Variants in STIM1 observed in about 807,000 individuals in gnomAD.
The protein encoded by STIM1 is stromal interaction molecule 1.
Under a neutral mutation model 74.7 loss-of-function variants are expected in STIM1, and 25 were observed. The observed-to-expected ratio is 0.33, with a 90% confidence interval of 0.24 to 0.47. STIM1 has a LOEUF of 0.47. Ranked by LOEUF, STIM1 falls within the 20% of genes least tolerant of loss-of-function variation. The pLI, the probability that STIM1 is intolerant of heterozygous loss-of-function variation, is 1.00. For synonymous variants in STIM1, 328 were observed against 348.8 expected, an observed-to-expected ratio of 0.94 and a Z score of 0.66; for missense variants, 728 against 920.8, an observed-to-expected ratio of 0.79 and a Z score of 2.71.
chr11:3,854,662 G>C (rs185562367), upstream of STIM1: 68 of 152,394 alleles, frequency 4.5e-4, no homozygotes, highest in East Asian at 0.011. Context: ...GAGGTAGCTG[G>C]GAGAATGAGA....
rs2959067 is a variant in STIM1 at position 4,057,662 on chromosome 11, T to C, written c.498-1619T>C. 5.9e-5 allele frequency among the ~76,000 whole-genome samples: 9 copies of C among 151,954 alleles called. No homozygotes were observed. The East Asian group carries it at 1.6e-3, about 26-fold the overall frequency. On this transcript the variant is annotated intron_variant, in intron 4 of 12. Coordinates refer to ENST00000526596, the MANE Select transcript of STIM1 (RefSeq NM_001382567.1). ...AAGGTGGGTGGATCACGAGGTCAGG[T>C]GATCGAGACTATCCTGGCTAACATG...
intron 2 of STIM1, among the ~76,000 whole-genome samples, chr11:3,974,594 A>G (rs1376037712): frequency 6.6e-6 from 1 of 151,830 alleles, no homozygotes; most frequent in Non-Finnish European, 1.5e-5. Context: ...GAAAAGAAAA[A>G]TATATAATCA....
intron 1 of STIM1, among the ~76,000 whole-genome samples, chr11:3,899,491 A>G (rs997410476): frequency 6.6e-6 from 1 of 151,984 alleles, no homozygotes; most frequent in African/African-American, 2.4e-5. Context: ...CTCTTTTCCT[A>G]ATCGAATACC....
intron 1 of STIM1, among the ~76,000 whole-genome samples, chr11:3,958,964 A>G (rs888220928): frequency 1.3e-5 from 2 of 151,688 alleles, no homozygotes; most frequent in African/African-American, 4.8e-5. Context: ...AAAAAAAAAA[A>G]AAGACTTTAC....
At chr11:3,887,686 T>C (rs905623006) in intron 1 of STIM1, among the ~76,000 whole-genome samples, 1 of 152,082 alleles carries the variant, frequency 6.6e-6, no homozygotes, top group Non-Finnish European at 1.5e-5. Context: ...AGGGCATCTG[T>C]GGCCAGGCGC....
chr11:4,067,412 G>GCCA (rs1329187887), intron 5 of STIM1, among the ~76,000 whole-genome samples: 9 of 152,164 alleles, frequency 5.9e-5, no homozygotes, highest in Non-Finnish European at 1.2e-4. Context: ...ATATTGTGTG[G>GCCA]GGGAAAACTC....
intron 1 of STIM1, among the ~76,000 whole-genome samples, chr11:3,916,789 T>C (rs973223664): frequency 1.8e-4 from 27 of 152,222 alleles, no homozygotes; most frequent in African/African-American, 6.3e-4. Flanking sequence ...GGTTTCGCCA[T>C]GTTGGCCAGG....
chr11:3,947,731 A>C (rs1274995345), intron 1 of STIM1: 7 of 152,152 alleles, frequency 4.6e-5, no homozygotes, highest in Admixed American at 3.9e-4. Context: ...CCAGGTAGGC[A>C]CCTGTATGCA....
At chr11:3,932,666 G>GAAAAAAAAAAAAAAAAAAA in intron 1 of STIM1, among the ~76,000 whole-genome samples, 1 of 86,970 alleles carries the variant, frequency 1.1e-5, no homozygotes, top group Non-Finnish European at 2.3e-5. Flanking sequence ...TGTCTCAAAG[G>GAAAAAAAAAAAAAAAAAAA]AAAAAAAAAA....
At chr11:3,900,677 A>G (rs1285319658) in intron 1 of STIM1, among the ~76,000 whole-genome samples, 1 of 152,148 alleles carries the variant, frequency 6.6e-6, no homozygotes, top group Admixed American at 6.5e-5. Context: ...CCTTCTGGGC[A>G]CAAATGATCC....
At chr11:3,908,496 C>T (rs778862823) in intron 1 of STIM1, among the ~76,000 whole-genome samples, 14 of 151,736 alleles carry the variant, frequency 9.2e-5, no homozygotes, top group Non-Finnish European at 1.6e-4. Context: ...CCTGTAGTCC[C>T]AGCTACCTGG....
intron 1 of STIM1, among the ~76,000 whole-genome samples, chr11:3,936,251 G>A (rs1160027243): frequency 2.0e-5 from 3 of 152,356 alleles, no homozygotes; most frequent in Middle Eastern, 3.4e-3. Context: ...TGACTGCAGA[G>A]TCCACATTCT....
chr11:3,987,700 C>T (rs2093570079), intron 2 of STIM1, among the ~76,000 whole-genome samples: 1 of 152,014 alleles, frequency 6.6e-6, no homozygotes, highest in South Asian at 2.1e-4. Flanking sequence ...AATGAAAGAA[C>T]AAATGGTGCT....
chr11:4,009,823 A>AT (rs1444580690), intron 2 of STIM1, among the ~76,000 whole-genome samples: 4 of 151,886 alleles, frequency 2.6e-5, no homozygotes, highest in African/African-American at 9.7e-5. Flanking sequence ...AGATATTTTT[A>AT]TTTTTTTGAG....
chr11:4,060,123 C>T (rs1028415749), intron 5 of STIM1, among the ~76,000 whole-genome samples: 2 of 152,300 alleles, frequency 1.3e-5, no homozygotes, highest in African/African-American at 4.8e-5. Context: ...TCTCTTCAGC[C>T]AGGGTCTAGT....
intron 1 of STIM1, among the ~76,000 whole-genome samples, chr11:3,961,945 T>C (rs1190281370): frequency 6.6e-6 from 1 of 152,230 alleles, no homozygotes; most frequent in Non-Finnish European, 1.5e-5. Flanking sequence ...CACTTTTAAC[T>C]CTATGTATCA....
At chr11:3,896,477 A>G (rs1296844644) in intron 1 of STIM1, among the ~76,000 whole-genome samples, 1 of 152,214 alleles carries the variant, frequency 6.6e-6, no homozygotes, top group Non-Finnish European at 1.5e-5. Flanking sequence ...ATTATACTAT[A>G]TTCCTCGATA....
At chr11:3,895,267 C>T (rs2092025147) in intron 1 of STIM1, among the ~76,000 whole-genome samples, 1 of 152,174 alleles carries the variant, frequency 6.6e-6, no homozygotes, top group South Asian at 2.1e-4. Context: ...AGTGTCTCAG[C>T]TTCTTGGTGG....
At chr11:3,951,139 C>T (rs2135666400) in intron 1 of STIM1, among the ~76,000 whole-genome samples, 1 of 152,292 alleles carries the variant, frequency 6.6e-6, no homozygotes, top group African/African-American at 2.4e-5. Flanking sequence ...CCTGGGCTGC[C>T]AGGAGGCTCA....
Sources: allele counts gnomAD v4.1 joint callset (sites outside exome capture counted in the v4.1 genomes callset), GRCh38; gene constraint gnomAD v4.1.1; transcripts MANE v1.5; gene names NCBI Gene and HGNC (gene_info 2026-07-23, HGNC 2026-07-21).